EFL1: variants seen among roughly 807,000 people sequenced by gnomAD.
EFL1 encodes the protein elongation factor like GTPase 1, also known as elongation factor-like GTPase 1.
EFL1 carries 76 observed loss-of-function variants against 126.7 expected under a neutral mutation model. The observed-to-expected ratio is 0.60, with a 90% CI of 0.50 to 0.73. The LOEUF is 0.73. Among genes scored for constraint, EFL1 ranks in the 30% least tolerant of loss-of-function variants. The pLI, the probability that EFL1 is intolerant of heterozygous loss-of-function variation, is 0.00. For synonymous variants in EFL1, 410 were observed against 448.4 expected (o/e 0.91, Z 1.08); for missense variants, 1,128 against 1,343.2 (o/e 0.84, Z 2.50).
chr15:82,200,574 T>C (rs1026529875), intron 15 of EFL1, among the ~76,000 whole-genome samples: 4 of 128,702 alleles, frequency 3.1e-5, no homozygotes, highest in Non-Finnish European at 6.5e-5. Context: ...TAACATCAAA[T>C]GGCCTCACCT....
At chr15:82,157,657 A>C in intron 17 of EFL1, 56 bp downstream of exon 17, 25 of 1,558,474 alleles carry the variant, frequency 1.6e-5, no homozygotes, top group Non-Finnish European at 2.2e-5. Flanking sequence ...GGAAACACTA[A>C]AACATCCCAT....
At chr15:82,203,595 G>C (rs1429094300) in intron 15 of EFL1, among the ~76,000 whole-genome samples, 1 of 152,168 alleles carries the variant, frequency 6.6e-6, no homozygotes, top group Admixed American at 6.5e-5. Flanking sequence ...GGCTGGTCTT[G>C]AACTCCCAAC....
In EFL1 at chr15:82,215,013, T is replaced by G. The variant is rs546534232; in HGVS notation, c.1612-158A>C. 1.4e-3 allele frequency among the ~76,000 whole-genome samples: 215 copies of G among 152,362 alleles called. 1 individual carries two copies. The highest frequency in any genetic ancestry group is 5.0e-3 in the African/African-American group (207 of 41,594). On this transcript the variant is annotated intron_variant, in intron 14 of 19. Transcript: ENST00000268206. The stretch of plus-strand genomic sequence containing the variant: ...TTGAAATGGTGTGATAAAATATGCC[T>G]CACTTTATGAATAAAATCTGAAATA...
At chr15:82,238,228 C>CA (rs1230181115) in intron 7 of EFL1, 79 bp downstream of exon 7, 2 of 1,467,538 alleles carry the variant, frequency 1.4e-6, no homozygotes, top group African/African-American at 2.8e-5. Flanking sequence ...ATAATTATCT[C>CA]AAAATAAAAG....
chr15:82,152,670 T>C (rs980458064), intron 17 of EFL1, among the ~76,000 whole-genome samples: 1 of 152,200 alleles, frequency 6.6e-6, no homozygotes, highest in Non-Finnish European at 1.5e-5. Context: ...TTTCACTTTT[T>C]TTTTTTTCAT....
chr15:82,251,290 T>TA (rs1369735629), intron 4 of EFL1, among the ~76,000 whole-genome samples: 2 of 152,142 alleles, frequency 1.3e-5, no homozygotes, highest in Admixed American at 1.3e-4. Context: ...CTCGATAAAA[T>TA]AGAGTTCAGA....
At chr15:82,164,136 T>A in intron 15 of EFL1, 152 bp from the exon 16 acceptor site, 1 of 934,598 alleles carries the variant, frequency 1.1e-6, no homozygotes, top group Non-Finnish European at 1.5e-6. Flanking sequence ...CTGTTTTTTT[T>A]TTTGTACACC....
chr15:82,235,008 C>A (rs1443110565), intron 7 of EFL1, among the ~76,000 whole-genome samples: 1 of 152,046 alleles, frequency 6.6e-6, no homozygotes, highest in Non-Finnish European at 1.5e-5. Context: ...GTTAACATGG[C>A]CTCAGCATGT....
At chr15:82,131,886 C>T (rs1464650508) in intron 19 of EFL1, among the ~76,000 whole-genome samples, 1 of 151,792 alleles carries the variant, frequency 6.6e-6, no homozygotes, top group East Asian at 1.9e-4. Flanking sequence ...TCCCTGAATA[C>T]AGAATACGGC....
chr15:82,230,759 C>T (rs1020853279), intron 8 of EFL1, 89 bp downstream of exon 8: 3 of 1,437,666 alleles, frequency 2.1e-6, no homozygotes, highest in African/African-American at 1.4e-5. Context: ...TAAATTAAAG[C>T]TGAATTACAT....
At chr15:82,195,357 A>G (rs966488137) in intron 15 of EFL1, among the ~76,000 whole-genome samples, 3 of 152,214 alleles carry the variant, frequency 2.0e-5, no homozygotes. Flanking sequence ...TTCAGGCTGT[A>G]AACCGTGCTA....
intron 9 of EFL1, 73 bp from the exon 10 acceptor site, chr15:82,228,400 T>C: frequency 6.7e-7 from 1 of 1,500,596 alleles, no homozygotes; most frequent in Non-Finnish European, 8.9e-7. Flanking sequence ...CCCAACATTA[T>C]TTGGCATATT....
intron 4 of EFL1, among the ~76,000 whole-genome samples, chr15:82,247,981 T>C (rs2074988748): frequency 6.6e-6 from 1 of 152,048 alleles, no homozygotes; most frequent in Non-Finnish European, 1.5e-5. Context: ...AAGAGACTAA[T>C]GGTCCAAGTG....
At chr15:82,136,043 T>C (rs1464110321) in intron 19 of EFL1, among the ~76,000 whole-genome samples, 2 of 151,998 alleles carry the variant, frequency 1.3e-5, no homozygotes, top group African/African-American at 4.8e-5. Context: ...ATTAGAGCAG[T>C]CTTACCTGCT....
chr15:82,247,256 C>T (rs1243658489), intron 4 of EFL1, among the ~76,000 whole-genome samples: 3 of 152,058 alleles, frequency 2.0e-5, no homozygotes, highest in African/African-American at 4.8e-5. Context: ...ATGGATAGCT[C>T]AAGGTGATGC....
At chr15:82,231,686 G>GT (rs34673953) in intron 7 of EFL1, among the ~76,000 whole-genome samples, 60,828 of 151,588 alleles carry the variant, frequency 0.4, 12,673 homozygotes, top group South Asian at 0.48. Context: ...GATATCCCCA[G>GT]TTTTTTCCAC....
chr15:82,132,671 G>T (rs1343646551), intron 19 of EFL1, among the ~76,000 whole-genome samples: 8 of 97,858 alleles, frequency 8.2e-5, no homozygotes, highest in Non-Finnish European at 1.2e-4. Flanking sequence ...AGGAGACAAG[G>T]TCCAGGAATT....
chr15:82,179,449 T>C (rs185396217), intron 15 of EFL1, among the ~76,000 whole-genome samples: 22 of 152,138 alleles, frequency 1.4e-4, no homozygotes, highest in African/African-American at 5.3e-4. Flanking sequence ...CCAACTTAGA[T>C]TGCACCTACT....
chr15:82,231,636 C>T lies in EFL1; in HGVS notation c.732-665G>A, dbSNP rs115821591. On this transcript the variant is annotated intron_variant, in intron 7 of 19. Coordinates refer to ENST00000268206, the MANE Select transcript of EFL1 (RefSeq NM_024580.6). ...GTTTGAGATTAGAATTTTCAAAGTA[C>T]CAGCATCTTAAAAGATGCCTGCTCA... Among the ~76,000 whole-genome samples, 356 of 151,962 alleles carry T rather than the reference C, an allele frequency of 2.3e-3. 2 individuals are homozygous for T. Among genetic ancestry groups the T allele is most frequent in the African/African-American group, 8.1e-3 (337 of 41,450 alleles).
Sources: gnomAD v4.1 joint callset for allele counts (sites outside exome capture counted in the v4.1 genomes callset) on GRCh38, gnomAD v4.1.1 for gene constraint, MANE v1.5 for transcripts, NCBI Gene and HGNC (gene_info 2026-07-23, HGNC 2026-07-21) for gene names.